SH3RF3: variants seen among roughly 807,000 people sequenced by gnomAD.
SH3RF3 encodes E3 ubiquitin-protein ligase SH3RF3.
In SH3RF3, 29 loss-of-function variants were observed where a neutral mutation model predicts 66.3. That is an observed-to-expected ratio of 0.44 (90% CI 0.33 to 0.60). The LOEUF is 0.60. SH3RF3 is among the 20% of genes least tolerant of loss of function. The pLI, the probability that SH3RF3 is intolerant of heterozygous loss-of-function variation, is 0.04. For synonymous variants in SH3RF3, 583 were observed against 532.0 expected, an observed-to-expected ratio of 1.10 and a Z score of -1.32; for missense variants, 1,194 against 1,190.9, an observed-to-expected ratio of 1.00 and a Z score of -0.04.
At chr2:109,388,797 T>C (rs1675899865) in intron 3 of SH3RF3, among the ~76,000 whole-genome samples, 1 of 151,950 alleles carries the variant, frequency 6.6e-6, no homozygotes, top group African/African-American at 2.4e-5. Context: ...ACTTTGGCTT[T>C]GTTCTCCTAG....
intron 8 of SH3RF3, among the ~76,000 whole-genome samples, chr2:109,468,697 T>TA (rs1452550582): frequency 1.3e-5 from 2 of 150,924 alleles, no homozygotes; most frequent in Admixed American, 6.6e-5. Flanking sequence ...CTATTAAAAA[T>TA]AAAAAAATGA....
intron 1 of SH3RF3, among the ~76,000 whole-genome samples, chr2:109,330,456 A>G (rs935164846): frequency 6.6e-6 from 1 of 152,184 alleles, no homozygotes; most frequent in African/African-American, 2.4e-5. Context: ...ATGACTCTAA[A>G]TAAACATTCC....
At chr2:109,327,455 A>G (rs1682185288) in intron 1 of SH3RF3, among the ~76,000 whole-genome samples, 2 of 152,190 alleles carry the variant, frequency 1.3e-5, no homozygotes, top group South Asian at 4.1e-4. Flanking sequence ...CAGGGCAAGG[A>G]CTTTCACTCT....
rs562863217 is a variant in SH3RF3, at chr2:109,182,986, A to G, written c.573+52873A>G. ...CACAGGACCCCATTTTGGGTCTCCTAACAGGTTTCAGAGCTCATCATCCTT... is the reference window on the plus strand; with the variant it reads ...CACAGGACCCCATTTTGGGTCTCCTGACAGGTTTCAGAGCTCATCATCCTT... On this transcript the variant is annotated intron_variant, in intron 1 of 9. Transcript: ENST00000309415. 2.6e-5 allele frequency among the ~76,000 whole-genome samples: 4 copies of G among 152,342 alleles called. No homozygotes were observed. In the East Asian group the frequency reaches 7.7e-4, roughly 29 times the overall value.
chr2:109,232,071 A>G (rs1385615454), intron 1 of SH3RF3, among the ~76,000 whole-genome samples: 1 of 152,242 alleles, frequency 6.6e-6, no homozygotes, highest in Non-Finnish European at 1.5e-5. Flanking sequence ...CTTTGGGGCT[A>G]TTATGAACAA....
intron 1 of SH3RF3, among the ~76,000 whole-genome samples, chr2:109,163,192 G>A (rs1049392457): frequency 6.6e-6 from 1 of 152,188 alleles, no homozygotes; most frequent in Non-Finnish European, 1.5e-5. Flanking sequence ...GGCGGGAATA[G>A]GAACTCGCGG....
Position 109,192,839 on chromosome 2 carries a change from T to C in SH3RF3, c.573+62726T>C, listed in dbSNP as rs148004423. ...TCATTGGGATGGCTTTGATTCACCA[T>C]ACATTTCTCCTGCACCTGTTTCTGT... On this transcript the variant is annotated intron_variant, in intron 1 of 9. Coordinates refer to ENST00000309415, the MANE Select transcript of SH3RF3 (RefSeq NM_001099289.3). Among the ~76,000 whole-genome samples the C allele has an allele frequency of 1.3e-3, 197 of 152,348 alleles. 2 individuals are homozygous for C. The highest frequency in any genetic ancestry group is 4.7e-3 in the African/African-American group (194 of 41,592).
chr2:109,400,968 A>C (rs1676298687), intron 4 of SH3RF3, among the ~76,000 whole-genome samples: 1 of 152,158 alleles, frequency 6.6e-6, no homozygotes, highest in African/African-American at 2.4e-5. Context: ...ATTCTTCTTG[A>C]GCACCTCCTA....
chr2:109,249,468 T>TC (rs775862805), intron 1 of SH3RF3, among the ~76,000 whole-genome samples: 1 of 4,892 alleles, frequency 2.0e-4, no homozygotes, highest in African/African-American at 1.2e-3. Context: ...TCTCTCTTTC[T>TC]CTTTCTTTCT....
At chr2:109,326,382 A>C (rs993011110) in intron 1 of SH3RF3, among the ~76,000 whole-genome samples, 3 of 152,062 alleles carry the variant, frequency 2.0e-5, no homozygotes, top group African/African-American at 7.3e-5. Context: ...GTTCATGTAG[A>C]AGTACATCCT....
intron 1 of SH3RF3, among the ~76,000 whole-genome samples, chr2:109,142,123 T>C (rs1439560916): frequency 1.3e-5 from 2 of 151,414 alleles, no homozygotes; most frequent in Non-Finnish European, 2.9e-5. Context: ...CTGAGTCACC[T>C]ACCGGGTGGG....
chr2:109,370,608 A>G (rs923924201), intron 2 of SH3RF3, among the ~76,000 whole-genome samples: 1 of 151,862 alleles, frequency 6.6e-6, no homozygotes, highest in Admixed American at 6.6e-5. Context: ...GTCACGTCCC[A>G]CTGTGAGTCC....
intron 3 of SH3RF3, among the ~76,000 whole-genome samples, chr2:109,386,012 C>T (rs565426739): frequency 2.0e-5 from 3 of 152,158 alleles, no homozygotes; most frequent in Non-Finnish European, 4.4e-5. Flanking sequence ...ATTCTTCATA[C>T]CCTGTTCTTG....
chr2:109,166,598 AC>A (rs1196722657), intron 1 of SH3RF3, among the ~76,000 whole-genome samples: 4 of 152,230 alleles, frequency 2.6e-5, no homozygotes, highest in Non-Finnish European at 5.9e-5. Flanking sequence ...GAAAAAATTT[AC>A]AGAAAATATT....
At chr2:109,200,573 G>T (rs1432522915) in intron 1 of SH3RF3, among the ~76,000 whole-genome samples, 1 of 152,132 alleles carries the variant, frequency 6.6e-6, no homozygotes, top group Non-Finnish European at 1.5e-5. Flanking sequence ...TGCTCTTCTA[G>T]GCACCGCCGA....
chr2:109,501,964 C>T lies in SH3RF3; in HGVS notation c.*293C>T. On this transcript the variant is annotated 3_prime_UTR_variant, in exon 10 of 10. Coordinates refer to ENST00000309415, the MANE Select transcript of SH3RF3 (RefSeq NM_001099289.3). Reference sequence around the variant, plus strand: ...GAGGCAGGTGCCGGCGCAGGCAGGCCTGTGGCTGTGGTTTGCAGCCATGGC... The same window carrying T: ...GAGGCAGGTGCCGGCGCAGGCAGGCTTGTGGCTGTGGTTTGCAGCCATGGC... 2.8e-6 allele frequency: 1 copy of T among 355,244 alleles called. No homozygotes were observed. The highest frequency in any genetic ancestry group is 5.2e-6 in the Non-Finnish European group (1 of 190,696). The allele number at this position is 355,244 out of a possible 1,614,324, so 22.0% of individuals were successfully genotyped here.
chr2:109,148,857 G>T (rs1677159421), intron 1 of SH3RF3, among the ~76,000 whole-genome samples: 1 of 151,750 alleles, frequency 6.6e-6, no homozygotes. Context: ...TTTTTAAAAA[G>T]TATTTTAGGT....
At chr2:109,485,625 C>A (rs974979955) in intron 8 of SH3RF3, among the ~76,000 whole-genome samples, 9 of 152,200 alleles carry the variant, frequency 5.9e-5, no homozygotes, top group African/African-American at 1.2e-4. Flanking sequence ...TATGAATAAA[C>A]GCCTTCAAAA....
At chr2:109,379,524 C>A (rs1395156564) in intron 3 of SH3RF3, among the ~76,000 whole-genome samples, 1 of 152,224 alleles carries the variant, frequency 6.6e-6, no homozygotes, top group Non-Finnish European at 1.5e-5. Flanking sequence ...GATGCCACAT[C>A]AGAAGGGATG....
Sources: allele counts gnomAD v4.1 joint callset (sites outside exome capture counted in the v4.1 genomes callset), GRCh38; gene constraint gnomAD v4.1.1; transcripts MANE v1.5; gene names NCBI Gene and HGNC (gene_info 2026-07-23, HGNC 2026-07-21).